Variants in NRG1 observed in about 807,000 individuals in gnomAD.
The protein encoded by NRG1 is neuregulin 1, also known as pro-neuregulin-1, membrane-bound isoform.
A neutral mutation model predicts 63.8 loss-of-function variants in NRG1; 18 were observed. That is an observed-to-expected ratio of 0.28 (90% CI 0.19 to 0.42). The LOEUF (loss-of-function observed/expected upper bound fraction) is 0.42. NRG1 is among the 10% of genes least tolerant of loss of function. NRG1 has a pLI of 1.00. For missense variants in NRG1, 762 were observed against 814.7 expected (o/e 0.94, Z 0.79); for synonymous variants, 302 against 301.3 (o/e 1.00, Z -0.02).
At position 31,999,696 on chromosome 8, in the gene NRG1, G is replaced by A. The variant is rs867781835; in HGVS notation, c.37+360265G>A. On this transcript the variant is annotated intron_variant, in intron 1 of 10. Transcript: ENST00000519301. ...AAATATAAAGCACTGAGTTAAAGAG[G>A]TAAAAATATCAAAATGAACAGGATA... is the stretch of plus-strand genomic sequence containing the variant. Among the ~76,000 whole-genome samples, 6 of 151,944 alleles carry A rather than the reference G, an allele frequency of 3.9e-5. No homozygotes were observed. In the South Asian group the frequency reaches 1.2e-3, roughly 32 times the overall value.
intron 5 of NRG1, among the ~76,000 whole-genome samples, chr8:32,631,944 T>C (rs1850390329): frequency 6.6e-6 from 1 of 152,160 alleles, no homozygotes; most frequent in East Asian, 1.9e-4. Flanking sequence ...TAACATAATA[T>C]CTAATGCTCC....
intron 5 of NRG1, among the ~76,000 whole-genome samples, chr8:32,627,894 A>G (rs1213982198): frequency 6.6e-6 from 1 of 152,224 alleles, no homozygotes. Context: ...GATTTCAACT[A>G]CAAATGGGAA....
intron 1 of NRG1, among the ~76,000 whole-genome samples, chr8:31,852,897 G>C (rs948498457): frequency 2.0e-5 from 3 of 152,110 alleles, no homozygotes; most frequent in African/African-American, 7.2e-5. Context: ...TTTTCCTCAG[G>C]TTTGTCAAAG....
intron 5 of NRG1, among the ~76,000 whole-genome samples, chr8:32,638,673 A>G (rs867427162): frequency 2.6e-5 from 4 of 152,154 alleles, no homozygotes; most frequent in African/African-American, 4.8e-5. Flanking sequence ...CTAGCAACCT[A>G]TTGTATAATT....
At chr8:32,583,751 C>T (rs1395616979) in intron 1 of NRG1, among the ~76,000 whole-genome samples, 1 of 152,180 alleles carries the variant, frequency 6.6e-6, no homozygotes, top group South Asian at 2.1e-4. Flanking sequence ...CACTATTTAG[C>T]CTACTGTTTA....
At chr8:32,339,590 C>T (rs182917309) in intron 1 of NRG1, among the ~76,000 whole-genome samples, 8 of 152,252 alleles carry the variant, frequency 5.3e-5, no homozygotes, top group African/African-American at 1.9e-4. Flanking sequence ...TTAATGAGGA[C>T]TTTTCATATG....
chr8:32,533,029 T>A (rs1428656231), intron 1 of NRG1, among the ~76,000 whole-genome samples: 1 of 129,804 alleles, frequency 7.7e-6, no homozygotes, highest in East Asian at 2.1e-4. Flanking sequence ...GACTTGCTGA[T>A]GTTTCACCAA....
At chr8:31,834,455 T>G (rs1825511346) in intron 1 of NRG1, among the ~76,000 whole-genome samples, 1 of 152,164 alleles carries the variant, frequency 6.6e-6, no homozygotes, top group Admixed American at 6.5e-5. Flanking sequence ...GCCTGTAATC[T>G]CAGCAGTTTG....
At chr8:32,620,864 A>G (rs1848224984) in intron 5 of NRG1, among the ~76,000 whole-genome samples, 1 of 152,014 alleles carries the variant, frequency 6.6e-6, no homozygotes, top group African/African-American at 2.4e-5. Context: ...AAGAAAAAGA[A>G]AAAAACAAAA....
intron 1 of NRG1, among the ~76,000 whole-genome samples, chr8:31,880,915 A>G (rs1476814281): frequency 6.6e-6 from 1 of 152,210 alleles, no homozygotes; most frequent in African/African-American, 2.4e-5. Flanking sequence ...GGACTGGAGT[A>G]TATGCATTTG....
chr8:32,541,506 G>GA (rs1832570415), intron 1 of NRG1, among the ~76,000 whole-genome samples: 3 of 76,674 alleles, frequency 3.9e-5, no homozygotes, highest in East Asian at 5.4e-4. Context: ...GGAACATACA[G>GA]GAAAAAAAAA....
At chr8:32,091,284 A>AG (rs988765450) in intron 1 of NRG1, among the ~76,000 whole-genome samples, 2 of 151,910 alleles carry the variant, frequency 1.3e-5, no homozygotes, top group African/African-American at 4.8e-5. Flanking sequence ...TCTCAAAAAA[A>AG]AAAAAAAAGA....
At chr8:31,786,541 C>T (rs576123189) in intron 1 of NRG1, among the ~76,000 whole-genome samples, 1 of 152,292 alleles carries the variant, frequency 6.6e-6, no homozygotes, top group East Asian at 1.9e-4. Context: ...TGTTTCCTCC[C>T]CTCACTGCAG....
At chr8:31,878,457 A>G (rs993990588) in intron 1 of NRG1, among the ~76,000 whole-genome samples, 2 of 152,220 alleles carry the variant, frequency 1.3e-5, no homozygotes, top group Non-Finnish European at 2.9e-5. Context: ...GCCCTGAAAT[A>G]AAAAAGCAGT....
intron 1 of NRG1, among the ~76,000 whole-genome samples, chr8:32,000,147 A>C (rs1310846797): frequency 6.6e-6 from 1 of 152,040 alleles, no homozygotes. Context: ...AAATGTGTAC[A>C]CTTTATTGTG....
At chr8:32,422,406 T>C (rs1003381040) in intron 1 of NRG1, among the ~76,000 whole-genome samples, 4 of 152,206 alleles carry the variant, frequency 2.6e-5, no homozygotes, top group African/African-American at 9.6e-5. Flanking sequence ...CAGCAAAATA[T>C]TTTATGGATG....
chr8:31,881,793 C>T (rs143577693), intron 1 of NRG1, among the ~76,000 whole-genome samples: 4 of 152,168 alleles, frequency 2.6e-5, no homozygotes, highest in African/African-American at 7.2e-5. Flanking sequence ...TCTCTTAAGC[C>T]AAAGCTAACT....
intron 1 of NRG1, among the ~76,000 whole-genome samples, chr8:32,200,840 C>T (rs1176687283): frequency 6.6e-6 from 1 of 152,144 alleles, no homozygotes; most frequent in East Asian, 1.9e-4. Context: ...AAGTATGATG[C>T]TTCATTGATT....
At chr8:32,370,685 C>T (rs879245190) in intron 1 of NRG1, among the ~76,000 whole-genome samples, 1 of 151,532 alleles carries the variant, frequency 6.6e-6, no homozygotes, top group Admixed American at 6.6e-5. Context: ...TGGTGAAACC[C>T]TGTCGCTACT....
Sources: gnomAD v4.1 joint callset for allele counts (sites outside exome capture counted in the v4.1 genomes callset) on GRCh38, gnomAD v4.1.1 for gene constraint, MANE v1.5 for transcripts, NCBI Gene and HGNC (gene_info 2026-07-23, HGNC 2026-07-21) for gene names.